Variants in TNR observed in about 807,000 individuals in gnomAD.
The protein encoded by TNR is tenascin R.
Under a neutral mutation model 150.4 loss-of-function variants are expected in TNR, and 45 were observed. That is an observed-to-expected ratio of 0.30 (90% CI 0.24 to 0.38). The LOEUF (loss-of-function observed/expected upper bound fraction) is 0.38, where lower values mean the gene tolerates loss of function less well. Among genes scored for constraint, TNR ranks in the 10% least tolerant of loss-of-function variants. The pLI, the probability that TNR is intolerant of heterozygous loss-of-function variation, is 1.00. For synonymous variants in TNR, 687 were observed against 678.4 expected, an observed-to-expected ratio of 1.01 and a Z score of -0.20; for missense variants, 1,544 against 1,759.1, an observed-to-expected ratio of 0.88 and a Z score of 2.19.
intron 1 of TNR, among the ~76,000 whole-genome samples, chr1:175,598,332 C>T (rs779316342): frequency 3.4e-4 from 52 of 152,134 alleles, no homozygotes; most frequent in Admixed American, 2.0e-4. Context: ...AACTAAAGGC[C>T]ATACAGGTTA....
chr1:175,678,908 G>A (rs1665947317), intron 1 of TNR, among the ~76,000 whole-genome samples: 1 of 152,160 alleles, frequency 6.6e-6, no homozygotes, highest in African/African-American at 2.4e-5. Flanking sequence ...GAAAGCTGTG[G>A]TCAGTTGGGG....
chr1:175,604,794 G>A (rs950243494), intron 1 of TNR, among the ~76,000 whole-genome samples: 12 of 152,112 alleles, frequency 7.9e-5, no homozygotes, highest in African/African-American at 2.9e-4. Flanking sequence ...GGTCCCTAGC[G>A]CCCTCATTCT....
At chr1:175,374,824 C>T (rs1044657800) in intron 9 of TNR, among the ~76,000 whole-genome samples, 1 of 152,184 alleles carries the variant, frequency 6.6e-6, no homozygotes, top group Non-Finnish European at 1.5e-5. Flanking sequence ...TGTGAGAGCA[C>T]GGTGCTCCTG....
intron 6 of TNR, among the ~76,000 whole-genome samples, chr1:175,392,202 C>T (rs1272097806): frequency 6.6e-6 from 1 of 152,118 alleles, no homozygotes; most frequent in African/African-American, 2.4e-5. Flanking sequence ...ATCGTTCCCT[C>T]TCTCTCTTTC....
At position 175,462,473 on chromosome 1, in the gene TNR, G is replaced by A. The variant is rs894923731; in HGVS notation, c.-63-55696C>T. Among the ~76,000 whole-genome samples, 3 of 152,148 alleles carry A rather than the reference G, an allele frequency of 2.0e-5. No individual in the cohort carries two copies. In the South Asian group the frequency reaches 6.2e-4, roughly 32 times the overall value. ...GTCACAGCCTGTGAGATAAAGATGT[G>A]CCCGTCCACAGAAGCCAGCTTCTAG... is the stretch of plus-strand genomic sequence containing the variant. On this transcript the variant is annotated intron_variant, in intron 2 of 22. Coordinates refer to ENST00000367674, the MANE Select transcript of TNR (RefSeq NM_003285.3).
rs545364805 is a variant in TNR at position 175,379,620 on chromosome 1, G to C, written c.1895C>G (p.Ala632Gly). ...QEYKVVYSTL[A>G]GEQYHEVLVP... ...CAGTACCTCATGATATTGCTCACCC[G>C]CCAGGGTGCTGTACACAACCTTGTA... Residue 632 changes from alanine (A) to glycine (G), a missense_variant, in exon 9 of 23, where the codon GCG becomes GGG. Physicochemically the swap from Ala to Gly is moderately conservative, Grantham distance 60. This residue lies in a region of TNR where 1,254 missense variants were observed against 1,329.4 expected (regional missense o/e 0.94). Coordinates refer to ENST00000367674, the MANE Select transcript of TNR (RefSeq NM_003285.3). The C allele has an allele frequency of 6.2e-7, 1 of 1,614,112 alleles. No homozygotes were observed.
intron 1 of TNR, among the ~76,000 whole-genome samples, chr1:175,724,668 T>C (rs972484596): frequency 5.3e-5 from 8 of 152,232 alleles, no homozygotes; most frequent in African/African-American, 1.7e-4. Context: ...ATGTTTTATG[T>C]ACACTTTTAT....
chr1:175,356,561 G>A lies in TNR; in HGVS notation c.2975-99C>T. 20 of 1,447,124 alleles carry A rather than the reference G, an allele frequency of 1.4e-5. No individual in the cohort carries two copies. The Admixed American group carries it at 2.6e-4, about 18-fold the overall frequency. 89.6% of individuals were successfully genotyped at this position (1,447,124 alleles called of 1,614,324 possible). On this transcript the variant is annotated intron_variant, in intron 15 of 22. Transcript: ENST00000367674. The stretch of plus-strand genomic sequence containing the variant: ...TATTTCACATGGATTTACTACTAGA[G>A]AATTTTGGAAAAAAATCTTTCATAG...
At chr1:175,447,152 C>T (rs567903012) in intron 2 of TNR, among the ~76,000 whole-genome samples, 1 of 149,858 alleles carries the variant, frequency 6.7e-6, no homozygotes, top group South Asian at 2.1e-4. Context: ...CATCTGGGAT[C>T]TTTCACTCTT....
intron 1 of TNR, among the ~76,000 whole-genome samples, chr1:175,550,459 G>C (rs1475225140): frequency 5.3e-5 from 8 of 152,152 alleles, no homozygotes; most frequent in Non-Finnish European, 1.2e-4. Context: ...GGAGTATTAA[G>C]TGAGGCCCCT....
intron 1 of TNR, among the ~76,000 whole-genome samples, chr1:175,708,949 C>T (rs1004348553): frequency 6.6e-6 from 1 of 151,994 alleles, no homozygotes; most frequent in Admixed American, 6.6e-5. Context: ...GAGATATAAA[C>T]AAATATCTCA....
intron 18 of TNR, among the ~76,000 whole-genome samples, chr1:175,345,569 A>G (rs929202361): frequency 5.9e-5 from 9 of 152,192 alleles, no homozygotes; most frequent in Non-Finnish European, 1.0e-4. Flanking sequence ...GATAGGGTGA[A>G]TAAGGGATTT....
At chr1:175,325,442 T>C (rs1375430887) in intron 21 of TNR, among the ~76,000 whole-genome samples, 1 of 152,220 alleles carries the variant, frequency 6.6e-6, no homozygotes, top group Non-Finnish European at 1.5e-5. Context: ...AGTTCAACCA[T>C]TGTGGAAGAC....
At position 175,317,005 on chromosome 1, in the gene TNR, A is replaced by AAAT. The variant is rs1481759158; in HGVS notation, c.*6349_*6351dup. On this transcript the variant is annotated 3_prime_UTR_variant, in exon 23 of 23. Transcript: ENST00000367674. ...TGAAGTGGAAAAATCAAGGGCTTCA[A>AAAT]AATTAGACAAAGGTTCAGATTATGG... The AAAT allele has an allele frequency of 5.9e-5, 9 of 152,202 alleles. No homozygotes were observed. The highest frequency in any genetic ancestry group is 2.2e-4 in the African/African-American group (9 of 41,456). The allele number at this position is 152,202 out of a possible 1,614,324, so 9.4% of individuals were successfully genotyped here.
At chr1:175,614,585 C>T (rs1663708262) in intron 1 of TNR, among the ~76,000 whole-genome samples, 1 of 152,180 alleles carries the variant, frequency 6.6e-6, no homozygotes, top group African/African-American at 2.4e-5. Flanking sequence ...AACATATCAT[C>T]ATCATCTCAA....
chr1:175,643,527 ATAC>A (rs1219823673), intron 1 of TNR, among the ~76,000 whole-genome samples: 1 of 152,208 alleles, frequency 6.6e-6, no homozygotes, highest in Non-Finnish European at 1.5e-5. Context: ...TAAAATATGT[ATAC>A]TATGCAAAGA....
At chr1:175,623,116 T>C (rs1664034149) in intron 1 of TNR, among the ~76,000 whole-genome samples, 1 of 152,206 alleles carries the variant, frequency 6.6e-6, no homozygotes, top group African/African-American at 2.4e-5. Flanking sequence ...CTTCAACTTG[T>C]CTCTCATGGG....
intron 2 of TNR, among the ~76,000 whole-genome samples, chr1:175,512,411 T>TA (rs1168651116): frequency 1.3e-5 from 2 of 152,204 alleles, no homozygotes; most frequent in Non-Finnish European, 2.9e-5. Context: ...AAAGCAATTT[T>TA]AAAAATATAG....
intron 1 of TNR, among the ~76,000 whole-genome samples, chr1:175,534,835 T>C (rs1253439118): frequency 6.6e-6 from 1 of 152,194 alleles, no homozygotes; most frequent in East Asian, 1.9e-4. Context: ...CACTACCAGG[T>C]GGAGATAATT....
Sources: gnomAD v4.1 joint callset for allele counts (sites outside exome capture counted in the v4.1 genomes callset) on GRCh38, gnomAD v4.1.1 for gene constraint, gnomAD v4.1.1 regional missense constraint, MANE v1.5 for transcripts, NCBI Gene and HGNC (gene_info 2026-07-23, HGNC 2026-07-21) for gene names.